Variants in DYNLT2B observed in about 807,000 individuals in gnomAD.
DYNLT2B encodes dynein light chain Tctex-type 2B, also known as dynein light chain Tctex-type protein 2B.
A neutral mutation model predicts 19.5 loss-of-function variants in DYNLT2B; 14 were observed. The ratio of observed to expected loss-of-function variants is 0.72; its 90% CI spans 0.47 to 1.12. DYNLT2B has a LOEUF of 1.12. Ranked by LOEUF, DYNLT2B falls within the 50% of genes most tolerant of loss-of-function variation. DYNLT2B has a pLI of 0.00. For synonymous variants in DYNLT2B, 70 were observed against 59.7 expected, an observed-to-expected ratio of 1.17 and a Z score of -0.79; for missense variants, 133 against 174.7, an observed-to-expected ratio of 0.76 and a Z score of 1.35.
chr3:196,316,381 A>C, intron 1 of DYNLT2B, 150 bp from the exon 2 acceptor site: 1 of 833,794 alleles, frequency 1.2e-6, no homozygotes, highest in Admixed American at 3.5e-5. Context: ...AATTAAGACA[A>C]ATCATAGGCC....
Position 196,296,080 on chromosome 3 carries a change from C to A in DYNLT2B, c.318-11G>T. Reference sequence around the variant, plus strand: ...CAGCGAGAAGCCATGCTAAAAAATCCAAGAATGAAGAATTATCAACAATCT... The same window carrying A: ...CAGCGAGAAGCCATGCTAAAAAATCAAAGAATGAAGAATTATCAACAATCT... On this transcript the variant is annotated splice_polypyrimidine_tract_variant and intron_variant, in intron 3 of 4. Transcript: ENST00000325318. 6.2e-7 allele frequency: 1 copy of A among 1,611,948 alleles called. No homozygotes were observed. Among genetic ancestry groups the A allele is most frequent in the South Asian group, 1.1e-5 (1 of 90,996 alleles).
chr3:196,292,863 T>TG (rs1156444346), intron 4 of DYNLT2B, among the ~76,000 whole-genome samples: 2 of 151,466 alleles, frequency 1.3e-5, no homozygotes, highest in East Asian at 3.9e-4. Context: ...AATAAAGTGC[T>TG]TTTTTTTTGA....
chr3:196,305,846 G>A (rs1406713266), intron 3 of DYNLT2B: 1 of 153,600 alleles, frequency 6.5e-6, no homozygotes, highest in African/African-American at 2.4e-5. Flanking sequence ...AGAGAAATGA[G>A]GCAGCAAAAA....
chr3:196,305,282 C>A (rs1380273158), intron 3 of DYNLT2B, among the ~76,000 whole-genome samples: 1 of 152,112 alleles, frequency 6.6e-6, no homozygotes, highest in Non-Finnish European at 1.5e-5. Context: ...TATTTTGTAC[C>A]TTCTGAGAAG....
In DYNLT2B at chr3:196,292,584, G is replaced by GA. The variant is rs1726117597; in HGVS notation, c.382-1211dup. 2.0e-5 allele frequency: 3 copies of GA among 152,280 alleles called. No individual in the cohort carries two copies. In the South Asian group the frequency reaches 6.2e-4, roughly 32 times the overall value. 9.4% of individuals were successfully genotyped at this position (152,280 alleles called of 1,614,324 possible). Reference sequence around the variant, plus strand: ...ATTTTTTTCTTAGATTCACTGCACAGAAGATTACTTTGTCAAATTGCTGTA... The same window carrying GA: ...ATTTTTTTCTTAGATTCACTGCACAGAAAGATTACTTTGTCAAATTGCTGTA... On this transcript the variant is annotated intron_variant, in intron 4 of 4. Coordinates refer to ENST00000325318, the MANE Select transcript of DYNLT2B (RefSeq NM_152773.5).
intron 2 of DYNLT2B, among the ~76,000 whole-genome samples, chr3:196,310,144 C>T (rs558035401): frequency 2.6e-5 from 4 of 152,052 alleles, no homozygotes; most frequent in African/African-American, 9.6e-5. Context: ...CTCTTCTGCC[C>T]AGGGTGGAGT....
intron 3 of DYNLT2B, among the ~76,000 whole-genome samples, chr3:196,299,017 T>G (rs1284210156): frequency 6.6e-6 from 1 of 152,032 alleles, no homozygotes; most frequent in Non-Finnish European, 1.5e-5. Flanking sequence ...GGCCAAGCAC[T>G]TCTCATGTCT....
In DYNLT2B at chr3:196,303,510, A is replaced by G. The variant is rs112441127; in HGVS notation, c.317+3433T>C. 5.6e-3 allele frequency among the ~76,000 whole-genome samples: 857 copies of G among 152,298 alleles called. 6 individuals are homozygous for G. The highest frequency in any genetic ancestry group is 0.02 in the African/African-American group (816 of 41,574). ...AACAGTAACATGTCATGTTGACAGT[A>G]TGTACCATTGATATGATATGACGAG... On this transcript the variant is annotated intron_variant, in intron 3 of 4. Coordinates refer to ENST00000325318, the MANE Select transcript of DYNLT2B (RefSeq NM_152773.5).
At chr3:196,303,675 A>G (rs2108793420) in intron 3 of DYNLT2B, among the ~76,000 whole-genome samples, 1 of 152,308 alleles carries the variant, frequency 6.6e-6, no homozygotes, top group East Asian at 1.9e-4. Flanking sequence ...ATGAAAAACA[A>G]GAAAGTCTGA....
At chr3:196,310,916 A>ATTT (rs1726622602) in intron 2 of DYNLT2B, among the ~76,000 whole-genome samples, 1 of 151,778 alleles carries the variant, frequency 6.6e-6, no homozygotes, top group Non-Finnish European at 1.5e-5. Context: ...TTTGTATTTC[A>ATTT]GTAGAGACGA....
intron 2 of DYNLT2B, among the ~76,000 whole-genome samples, chr3:196,312,761 T>C (rs975441057): frequency 1.3e-5 from 2 of 152,202 alleles, no homozygotes; most frequent in African/African-American, 4.8e-5. Context: ...GCCTGGCCCA[T>C]AGTATATTCT....
intron 3 of DYNLT2B, among the ~76,000 whole-genome samples, chr3:196,306,246 GCAA>G (rs1726481786): frequency 4.5e-5 from 4 of 88,250 alleles, no homozygotes; most frequent in African/African-American, 7.8e-5. Flanking sequence ...ACCCATCTCT[GCAA>G]AAAAAAAAAA....
intron 3 of DYNLT2B, among the ~76,000 whole-genome samples, chr3:196,305,443 T>C (rs777729179): frequency 1.3e-5 from 2 of 152,128 alleles, no homozygotes; most frequent in African/African-American, 4.8e-5. Flanking sequence ...TGCCAGAATA[T>C]AGGAAACTCT....
At chr3:196,304,210 G>A (rs1577389711) in intron 3 of DYNLT2B, among the ~76,000 whole-genome samples, 2 of 151,822 alleles carry the variant, frequency 1.3e-5, no homozygotes, top group African/African-American at 4.8e-5. Flanking sequence ...TCAGCTCACT[G>A]CAACCTCCAC....
chr3:196,295,905 A>G, intron 4 of DYNLT2B, 101 bp downstream of exon 4: 1 of 965,224 alleles, frequency 1.0e-6, no homozygotes. Flanking sequence ...AAGATGAATG[A>G]CTAAGACAGC....
At chr3:196,303,145 G>T (rs1726398047) in intron 3 of DYNLT2B, among the ~76,000 whole-genome samples, 1 of 151,556 alleles carries the variant, frequency 6.6e-6, no homozygotes, top group African/African-American at 2.4e-5. Flanking sequence ...CCCGACCCAG[G>T]AACTGACTCA....
intron 3 of DYNLT2B, among the ~76,000 whole-genome samples, chr3:196,298,461 G>GC (rs1382044303): frequency 6.6e-6 from 1 of 151,948 alleles, no homozygotes; most frequent in Non-Finnish European, 1.5e-5. Context: ...CTACACACGT[G>GC]CATTACCACG....
intron 4 of DYNLT2B, 95 bp from the exon 5 acceptor site, chr3:196,291,469 G>T: frequency 7.5e-7 from 1 of 1,337,608 alleles, no homozygotes; most frequent in Non-Finnish European, 1.0e-6. Context: ...CACCATCTCA[G>T]ATCTTTCCAA....
At chr3:196,308,285 GT>G (rs1472665154) in intron 2 of DYNLT2B, among the ~76,000 whole-genome samples, 1 of 152,042 alleles carries the variant, frequency 6.6e-6, no homozygotes, top group Non-Finnish European at 1.5e-5. Flanking sequence ...TGAGGGCTGA[GT>G]AAGAGGGGAC....
Sources: gnomAD v4.1 joint callset for allele counts (sites outside exome capture counted in the v4.1 genomes callset) on GRCh38, gnomAD v4.1.1 for gene constraint, MANE v1.5 for transcripts, NCBI Gene and HGNC (gene_info 2026-07-23, HGNC 2026-07-21) for gene names.